The following YEATS2 variants were observed in gnomAD, a reference collection of about 807,000 sequenced individuals.
The protein encoded by YEATS2 is YEATS domain containing 2.
YEATS2 carries 77 observed loss-of-function variants against 163.2 expected under a neutral mutation model. The observed-to-expected ratio is 0.47, with a 90% CI of 0.39 to 0.57. The LOEUF is 0.57. Among genes scored for constraint, YEATS2 ranks in the 20% least tolerant of loss-of-function variants. The pLI is 0.00. For missense variants in YEATS2, 1,549 were observed against 1,729.8 expected (o/e 0.90, Z 1.85); for synonymous variants, 631 against 645.1 (o/e 0.98, Z 0.33).
intron 1 of YEATS2, among the ~76,000 whole-genome samples, chr3:183,713,538 G>A (rs1458922860): frequency 6.6e-6 from 1 of 152,190 alleles, no homozygotes; most frequent in Non-Finnish European, 1.5e-5. Context: ...ACTCCAGCCT[G>A]GGCAATAGAG....
chr3:183,775,980 G>GT lies in YEATS2; in HGVS notation c.2434_2435insT (p.Gly812ValfsTer116). 6.2e-7 allele frequency: 1 copy of GT among 1,608,952 alleles called. No homozygotes were observed. Among genetic ancestry groups the GT allele is most frequent in the Middle Eastern group, 1.8e-4 (1 of 5,690 alleles). ...CGGAGGAGGAGGAGGAGGAGGAGGA[G>GT]GAGGCGGCAGTGGCAGCGGTGGAGG... is the stretch of plus-strand genomic sequence containing the variant. On this transcript the variant is annotated frameshift_variant, in exon 18 of 31. Coordinates refer to ENST00000305135, the MANE Select transcript of YEATS2 (RefSeq NM_018023.5). LOFTEE classifies it high-confidence loss of function.
intron 13 of YEATS2, among the ~76,000 whole-genome samples, chr3:183,760,839 T>C (rs937314918): frequency 2.0e-5 from 3 of 152,194 alleles, no homozygotes; most frequent in Non-Finnish European, 2.9e-5. Flanking sequence ...CATTTATTTA[T>C]TTAGTGCCTA....
intron 29 of YEATS2, chr3:183,808,305 A>G: frequency 1.8e-6 from 1 of 565,658 alleles, no homozygotes; most frequent in Non-Finnish European, 3.1e-6. Flanking sequence ...CCTCTGAGTC[A>G]TGTGGTTTCA....
rs572670397 is a variant in YEATS2 at position 183,758,328 on chromosome 3, C to T, written c.1553-534C>T. On this transcript the variant is annotated intron_variant, in intron 12 of 30. Transcript: ENST00000305135. Reference sequence around the variant, plus strand: ...GCCGAGATCAGGCAACTGCACTCCACCCCGGGTGACAGAGCGAGACTCCAT... The same window carrying T: ...GCCGAGATCAGGCAACTGCACTCCATCCCGGGTGACAGAGCGAGACTCCAT... Among the ~76,000 whole-genome samples, 5 of 151,834 alleles carry T rather than the reference C, an allele frequency of 3.3e-5. No homozygotes were observed. The South Asian group carries it at 1.0e-3, about 32-fold the overall frequency.
At chr3:183,798,418 A>G (rs913756883) in intron 22 of YEATS2, among the ~76,000 whole-genome samples, 3 of 152,052 alleles carry the variant, frequency 2.0e-5, no homozygotes, top group African/African-American at 7.2e-5. Context: ...CAGTGGCAAG[A>G]TCTCGGCTCA....
At chr3:183,807,987 T>A in intron 28 of YEATS2, 43 bp from the exon 29 acceptor site, 2 of 1,496,980 alleles carry the variant, frequency 1.3e-6, no homozygotes, top group Non-Finnish European at 1.8e-6. Context: ...AGGCTGTTTC[T>A]AAAGCAGCGA....
chr3:183,749,456 C>T (rs1046667865), intron 9 of YEATS2, among the ~76,000 whole-genome samples: 1 of 152,130 alleles, frequency 6.6e-6, no homozygotes, highest in Admixed American at 6.5e-5. Context: ...GCCCCCCCAG[C>T]ACTGGCAACT....
At chr3:183,708,955 T>C (rs764883651) in intron 1 of YEATS2, among the ~76,000 whole-genome samples, 2 of 151,942 alleles carry the variant, frequency 1.3e-5, no homozygotes, top group Non-Finnish European at 2.9e-5. Flanking sequence ...AGGTCAGAGA[T>C]TCGAGACCAG....
Position 183,786,186 on chromosome 3 carries a change from C to T in YEATS2, c.2798C>T (p.Pro933Leu). 6.2e-7 allele frequency: 1 copy of T among 1,614,154 alleles called. No individual in the cohort carries two copies. The stretch of plus-strand genomic sequence containing the variant: ...TCCGATAGCACCTTGAAGACTGTGC[C>T]AGCCACCTCACAGCTCTCGAAGCCT... Reference protein sequence around the residue: ...KISDSTLKTVPATSQLSKPGT... With the variant: ...KISDSTLKTVLATSQLSKPGT... Residue 933 changes from proline (P) to leucine (L), a missense_variant, in exon 20 of 31, where the codon CCA becomes CTA. Transcript: ENST00000305135.
Position 183,762,128 on chromosome 3 carries a change from C to T in YEATS2, c.1796C>T (p.Pro599Leu). ...ATCAAACAGGAACCTGGTGAAGCCCCTCACGTGCCCGCAACAGGAGCTGCC... is the reference window on the plus strand; with the variant it reads ...ATCAAACAGGAACCTGGTGAAGCCCTTCACGTGCCCGCAACAGGAGCTGCC... ...VIIKQEPGEA[P>L]HVPATGAASQ... is the part of the protein sequence containing the mutation. Residue 599 changes from proline to leucine, a missense_variant, in exon 15 of 31, where the codon CCT becomes CTT. Physicochemically the swap from Pro to Leu is moderately conservative, Grantham distance 98. Transcript: ENST00000305135. 2 of 1,614,106 alleles carry T rather than the reference C, an allele frequency of 1.2e-6. No individual in the cohort carries two copies. The highest frequency in any genetic ancestry group is 1.7e-6 in the Non-Finnish European group (2 of 1,180,030).
intron 25 of YEATS2, chr3:183,802,506 T>TATACATGTATATATATATACAC (rs983016836): frequency 2.0e-5 from 3 of 150,366 alleles, no homozygotes; most frequent in Non-Finnish European, 2.9e-5. Flanking sequence ...TGTGTGTGTG[T>TATACATGTATATATATATACAC]GTGTATACAT....
At chr3:183,698,246 G>A (rs1713688056) in intron 1 of YEATS2, among the ~76,000 whole-genome samples, 1 of 152,180 alleles carries the variant, frequency 6.6e-6, no homozygotes, top group Non-Finnish European at 1.5e-5. Context: ...GGGGCGCTGC[G>A]CTGAGGGGAT....
intron 21 of YEATS2, among the ~76,000 whole-genome samples, chr3:183,797,680 C>T (rs749049210): frequency 3.3e-5 from 5 of 151,986 alleles, no homozygotes; most frequent in South Asian, 2.1e-4. Context: ...AAGCCGAGAT[C>T]GCGTCAGCCT....
At chr3:183,810,134 A>G (rs951982579) in intron 30 of YEATS2, 4 of 209,948 alleles carry the variant, frequency 1.9e-5, no homozygotes. Flanking sequence ...GATGGGAAAT[A>G]AGGTCCCAGA....
chr3:183,803,536 C>A lies in YEATS2; in HGVS notation c.3582+201C>A, dbSNP rs1577226152. 6 of 605,502 alleles carry A rather than the reference C, an allele frequency of 9.9e-6. No homozygotes were observed. In the East Asian group the frequency reaches 1.7e-4, roughly 17 times the overall value. 37.5% of individuals were successfully genotyped at this position (605,502 alleles called of 1,614,324 possible). A position where few individuals can be genotyped will look rare whatever the true frequency, so the allele number is the denominator to read the frequency against. On this transcript the variant is annotated intron_variant, in intron 26 of 30. Coordinates refer to ENST00000305135, the MANE Select transcript of YEATS2 (RefSeq NM_018023.5). ...TTCCTGCACTGGCAGAAACATCCCTCACAGTTTCTAAATTTTTTTCTGAGT... is the reference window on the plus strand; with the variant it reads ...TTCCTGCACTGGCAGAAACATCCCTAACAGTTTCTAAATTTTTTTCTGAGT...
At chr3:183,703,158 C>T (rs555906128) in intron 1 of YEATS2, among the ~76,000 whole-genome samples, 17 of 152,234 alleles carry the variant, frequency 1.1e-4, no homozygotes, top group African/African-American at 4.1e-4. Context: ...TAGAAATGTC[C>T]CACATCACGT....
At chr3:183,758,132 C>T (rs761600069) in intron 12 of YEATS2, among the ~76,000 whole-genome samples, 4 of 152,064 alleles carry the variant, frequency 2.6e-5, no homozygotes, top group Non-Finnish European at 2.9e-5. Context: ...CCAAGGTGGG[C>T]GGATCACCTG....
At chr3:183,809,256 A>G (rs961447449) in intron 30 of YEATS2, 86 bp downstream of exon 30, 7 of 1,348,796 alleles carry the variant, frequency 5.2e-6, no homozygotes, top group Admixed American at 5.0e-5. Flanking sequence ...TTATACTTAC[A>G]TCAATCCAGT....
intron 6 of YEATS2, among the ~76,000 whole-genome samples, chr3:183,725,057 T>TA (rs1261499502): frequency 6.6e-6 from 1 of 150,636 alleles, no homozygotes; most frequent in Non-Finnish European, 1.5e-5. Context: ...TTTTTTTTTT[T>TA]TTTTTTTATC....
Sources: gnomAD v4.1 joint callset for allele counts (sites outside exome capture counted in the v4.1 genomes callset) on GRCh38, gnomAD v4.1.1 for gene constraint, MANE v1.5 for transcripts, NCBI Gene and HGNC (gene_info 2026-07-23, HGNC 2026-07-21) for gene names.